The following ATG10 variants were observed in gnomAD, a reference collection of about 807,000 sequenced individuals.
ATG10 encodes the protein ubiquitin-like-conjugating enzyme ATG10.
ATG10 carries 30 observed loss-of-function variants against 32.1 expected under a neutral mutation model. The ratio of observed to expected loss-of-function variants is 0.94; its 90% CI spans 0.70 to 1.27. The LOEUF is 1.27. Among genes scored for constraint, ATG10 ranks in the 50% most tolerant of loss-of-function variants. The probability of loss-of-function intolerance (pLI) is 0.00; values close to 1 mark genes in which losing one functional copy is unlikely to be tolerated. For missense variants in ATG10, 233 were observed against 262.3 expected, an observed-to-expected ratio of 0.89 and a Z score of 0.77; for synonymous variants, 87 against 91.5, an observed-to-expected ratio of 0.95 and a Z score of 0.28.
chr5:82,140,986 G>A (rs200326688), intron 3 of ATG10, among the ~76,000 whole-genome samples: 18,218 of 90,782 alleles, frequency 0.2, 1,853 homozygotes, highest in African/African-American at 0.27. Context: ...GATTAAGGGC[G>A]GTGCAAGATG....
At chr5:82,205,295 TA>T (rs937768378) in intron 5 of ATG10, among the ~76,000 whole-genome samples, 3 of 152,198 alleles carry the variant, frequency 2.0e-5, no homozygotes, top group African/African-American at 7.2e-5. Context: ...AGAGAATAAA[TA>T]TTTTTTTTGA....
intron 3 of ATG10, among the ~76,000 whole-genome samples, chr5:82,079,440 A>G (rs1764395180): frequency 6.6e-6 from 1 of 151,830 alleles, no homozygotes. Context: ...ATATGTATAC[A>G]TATGCCATGT....
chr5:82,225,508 G>A (rs1379267389), intron 5 of ATG10, among the ~76,000 whole-genome samples: 1 of 152,224 alleles, frequency 6.6e-6, no homozygotes, highest in Non-Finnish European at 1.5e-5. Context: ...TGCTTTCCAA[G>A]CAGATTCCAA....
rs141370493 is a variant in ATG10, at chr5:82,058,614, A to T, written c.216+12A>T. 1.7e-4 allele frequency: 255 copies of T among 1,539,388 alleles called. No homozygotes were observed. The African/African-American group carries it at 3.1e-3, about 19-fold the overall frequency. On this transcript the variant is annotated intron_variant, in intron 3 of 7. Coordinates refer to ENST00000282185, the MANE Select transcript of ATG10 (RefSeq NM_031482.5). ...GTCTTCCCATGGAGGTGAGTAGTTT[A>T]ATGCATCATGTTCTTTTCAGTCTCC...
intron 5 of ATG10, among the ~76,000 whole-genome samples, chr5:82,189,163 T>C (rs1033283407): frequency 1.3e-5 from 2 of 152,216 alleles, no homozygotes; most frequent in Admixed American, 1.3e-4. Flanking sequence ...CATTCTCATA[T>C]GCTAATAATA....
chr5:82,168,233 A>G (rs1743659432), intron 4 of ATG10, among the ~76,000 whole-genome samples: 1 of 152,160 alleles, frequency 6.6e-6, no homozygotes, highest in Admixed American at 6.5e-5. Flanking sequence ...AGCTAGTGGC[A>G]AATGTTACAA....
At chr5:82,032,085 G>T (rs1394091130) in intron 2 of ATG10, among the ~76,000 whole-genome samples, 1 of 152,224 alleles carries the variant, frequency 6.6e-6, no homozygotes, top group Non-Finnish European at 1.5e-5. Flanking sequence ...TGTTGCTTCA[G>T]ATGAGACAAG....
intron 1 of ATG10, among the ~76,000 whole-genome samples, chr5:81,974,945 C>A (rs1313697205): frequency 1.3e-5 from 2 of 152,168 alleles, no homozygotes; most frequent in African/African-American, 4.8e-5. Flanking sequence ...CTTTCTATAT[C>A]CTCCTATAAT....
intron 3 of ATG10, among the ~76,000 whole-genome samples, chr5:82,114,620 AGGTTCT>A (rs1765729435): frequency 6.6e-6 from 1 of 152,056 alleles, no homozygotes; most frequent in African/African-American, 2.4e-5. Flanking sequence ...GCCCACCTGT[AGGTTCT>A]GGGCTGTTGG....
chr5:82,019,815 A>T (rs72776821), intron 2 of ATG10, among the ~76,000 whole-genome samples: 2,326 of 152,350 alleles, frequency 0.015, 28 homozygotes, highest in Middle Eastern at 0.041. Context: ...GGAGTTGAGA[A>T]CAATAGTGGG....
At chr5:82,017,858 C>T (rs1189703834) in intron 2 of ATG10, among the ~76,000 whole-genome samples, 2 of 151,922 alleles carry the variant, frequency 1.3e-5, no homozygotes, top group Non-Finnish European at 2.9e-5. Flanking sequence ...TCTTAGTTCA[C>T]CTTCTATATT....
At chr5:81,993,370 T>TTCTTTCC (rs1554039352) in intron 2 of ATG10, among the ~76,000 whole-genome samples, 6 of 32,394 alleles carry the variant, frequency 1.9e-4, no homozygotes, top group African/African-American at 7.6e-4. Context: ...CTTCTTTTCT[T>TTCTTTCC]TTCTTTTCTT....
At chr5:82,169,708 A>G (rs1404076228) in intron 4 of ATG10, among the ~76,000 whole-genome samples, 1 of 152,210 alleles carries the variant, frequency 6.6e-6, no homozygotes, top group Non-Finnish European at 1.5e-5. Flanking sequence ...GGTCATGATA[A>G]TGAACCATAA....
At chr5:82,045,577 C>T (rs761050543) in intron 2 of ATG10, among the ~76,000 whole-genome samples, 1 of 152,054 alleles carries the variant, frequency 6.6e-6, no homozygotes, top group Non-Finnish European at 1.5e-5. Context: ...TTTTCTGAGA[C>T]ATTAATGCCA....
chr5:82,022,748 T>A (rs1050780384), intron 2 of ATG10, among the ~76,000 whole-genome samples: 1 of 151,976 alleles, frequency 6.6e-6, no homozygotes, highest in African/African-American at 2.4e-5. Flanking sequence ...TAGCCATTAT[T>A]ATTTCTACTT....
At chr5:82,139,002 G>C (rs1375752276) in intron 3 of ATG10, among the ~76,000 whole-genome samples, 1 of 150,732 alleles carries the variant, frequency 6.6e-6, no homozygotes, top group Non-Finnish European at 1.5e-5. Context: ...GCAGGCACGC[G>C]CCGCCACGCC....
chr5:82,004,637 G>A (rs1349093125), intron 2 of ATG10, among the ~76,000 whole-genome samples: 1 of 152,168 alleles, frequency 6.6e-6, no homozygotes, highest in Non-Finnish European at 1.5e-5. Context: ...TATCCAGGCA[G>A]CAACCAGTAA....
intron 5 of ATG10, among the ~76,000 whole-genome samples, chr5:82,220,530 G>A (rs1030569760): frequency 6.6e-6 from 1 of 152,062 alleles, no homozygotes; most frequent in African/African-American, 2.4e-5. Flanking sequence ...CCAAAGTGCT[G>A]GGATTACAGG....
At chr5:82,117,649 G>A (rs918653241) in intron 3 of ATG10, among the ~76,000 whole-genome samples, 2 of 152,072 alleles carry the variant, frequency 1.3e-5, no homozygotes, top group African/African-American at 4.8e-5. Flanking sequence ...TCATTCATAT[G>A]ATCTGGCCAG....
Sources: gnomAD v4.1 joint callset for allele counts (sites outside exome capture counted in the v4.1 genomes callset) on GRCh38, gnomAD v4.1.1 for gene constraint, MANE v1.5 for transcripts, NCBI Gene and HGNC (gene_info 2026-07-23, HGNC 2026-07-21) for gene names.